The following HBP1 variants were observed in gnomAD, a reference collection of about 807,000 sequenced individuals.
HBP1 encodes HMG-box transcription factor 1.
In HBP1, 20 loss-of-function variants were observed where a neutral mutation model predicts 62.6. The observed-to-expected ratio is 0.32, with a 90% CI of 0.22 to 0.46. The LOEUF (loss-of-function observed/expected upper bound fraction) is 0.46, where lower values mean the gene tolerates loss of function less well. HBP1 is among the 20% of genes least tolerant of loss of function. The pLI is 1.00. For synonymous variants in HBP1, 232 were observed against 206.2 expected (o/e 1.12, Z -1.07); for missense variants, 480 against 611.8 (o/e 0.78, Z 2.27).
intron 10 of HBP1, chr7:107,201,062 A>G: frequency 5.5e-6 from 1 of 182,442 alleles, no homozygotes; most frequent in Non-Finnish European, 1.1e-5. Context: ...AGTAAAATGC[A>G]GGTCATATCT....
intron 1 of HBP1, among the ~76,000 whole-genome samples, chr7:107,171,532 C>T (rs774377713): frequency 3.1e-4 from 47 of 152,018 alleles, no homozygotes; most frequent in Non-Finnish European, 4.9e-4. Flanking sequence ...AATAAAAATA[C>T]TGGTACTCCC....
chr7:107,179,730 C>A, intron 1 of HBP1, 149 bp from the exon 2 acceptor site: 1 of 463,178 alleles, frequency 2.2e-6, no homozygotes, highest in African/African-American at 1.9e-5. Context: ...CGAGATCACG[C>A]CACTGCACTG....
In HBP1 at chr7:107,199,230, C is replaced by T. The variant is rs116284591; in HGVS notation, c.1386-930C>T. Among the ~76,000 whole-genome samples, 670 of 152,208 alleles carry T rather than the reference C, an allele frequency of 4.4e-3. 2 individuals carry two copies. The highest frequency in any genetic ancestry group is 0.015 in the African/African-American group (635 of 41,520). ...CCTCCCCAGTAGCTGTGATTACAGG[C>T]GTGTGCCATCACACCTGGCAAATAG... is the stretch of plus-strand genomic sequence containing the variant. On this transcript the variant is annotated intron_variant, in intron 9 of 10. Transcript: ENST00000222574.
At chr7:107,190,586 G>A (rs1330550450) in intron 8 of HBP1, among the ~76,000 whole-genome samples, 1 of 152,142 alleles carries the variant, frequency 6.6e-6, no homozygotes, top group Non-Finnish European at 1.5e-5. Context: ...CATGTTACAT[G>A]ACCAAGAGTT....
chr7:107,186,157 TTTTTTTTTC>T (rs979058123), intron 4 of HBP1, among the ~76,000 whole-genome samples, 195 bp from the exon 5 acceptor site: 4 of 137,040 alleles, frequency 2.9e-5, no homozygotes, highest in African/African-American at 5.5e-5. Context: ...CTTTTTTTTC[TTTTTTTTTC>T]TTTTTTTTTT....
intron 1 of HBP1, among the ~76,000 whole-genome samples, chr7:107,177,197 A>G (rs2115817773): frequency 6.6e-6 from 1 of 152,348 alleles, no homozygotes; most frequent in Middle Eastern, 3.4e-3. Context: ...AGAGGAGAGT[A>G]GGGCAGGTAT....
chr7:107,189,388 G>C lies in HBP1; in HGVS notation c.862G>C (p.Glu288Gln). ...LKLTFDPGTV[E>Q]DGLLTVECKL... ...GTTGACTTTTGATCCTGGTACAGTAGAAGATGGTTTACTTACCGTAGAGTG... is the reference window on the plus strand; with the variant it reads ...GTTGACTTTTGATCCTGGTACAGTACAAGATGGTTTACTTACCGTAGAGTG... The change falls in exon 7 of 11, where the codon GAA becomes CAA. Residue 288 changes from glutamate (E) to glutamine (Q), a missense_variant. Transcript: ENST00000222574. 6.2e-7 allele frequency: 1 copy of C among 1,612,488 alleles called. No homozygotes were observed. The highest frequency in any genetic ancestry group is 8.5e-7 in the Non-Finnish European group (1 of 1,178,620).
intron 1 of HBP1, among the ~76,000 whole-genome samples, chr7:107,178,530 T>C (rs1225390305): frequency 6.6e-6 from 1 of 152,226 alleles, no homozygotes; most frequent in Non-Finnish European, 1.5e-5. Flanking sequence ...GTGATAATTT[T>C]GTAGGCTTGC....
At chr7:107,174,812 A>T (rs1796755683) in intron 1 of HBP1, 3 of 453,518 alleles carry the variant, frequency 6.6e-6, no homozygotes, top group African/African-American at 2.1e-5. Context: ...TATGTGAAGC[A>T]TAGTACGGAT....
At chr7:107,186,544 T>C (rs777920169) in intron 5 of HBP1, 25 bp from the exon 6 acceptor site, 1 of 1,556,634 alleles carries the variant, frequency 6.4e-7, no homozygotes, top group Non-Finnish European at 8.9e-7. Flanking sequence ...ACGTGTCTAA[T>C]ACGTGTTTTC....
At position 107,170,065 on chromosome 7, in the gene HBP1, A is replaced by G. The variant is rs1012374306; in HGVS notation, c.-16+880A>G. On this transcript the variant is annotated intron_variant, in intron 1 of 10. Transcript: ENST00000222574. ...TGTTTCACTCTCCGCTGTGCACTCT[A>G]CACTCGAGTTCATTCTTAGGGAGTT... 109 of 985,188 alleles carry G rather than the reference A, an allele frequency of 1.1e-4. No individual in the cohort carries two copies. In the African/African-American group the frequency reaches 1.5e-3, roughly 13 times the overall value. The allele number at this position is 985,188 out of a possible 1,614,324, so 61.0% of individuals were successfully genotyped here. A position where few individuals can be genotyped will look rare whatever the true frequency, so the allele number is the denominator to read the frequency against.
chr7:107,182,700 A>C, intron 3 of HBP1, 99 bp downstream of exon 3: 1 of 624,266 alleles, frequency 1.6e-6, no homozygotes, highest in Non-Finnish European at 2.8e-6. Flanking sequence ...ACTTTAAATT[A>C]TTAGAATTTA....
At chr7:107,182,751 TATTTC>T (rs1339873556) in intron 3 of HBP1, 150 bp downstream of exon 3, 8 of 560,786 alleles carry the variant, frequency 1.4e-5, no homozygotes, top group Non-Finnish European at 1.9e-5. Context: ...ATCAAAGACT[TATTTC>T]ACTCACTACC....
intron 2 of HBP1, 125 bp downstream of exon 2, chr7:107,180,187 T>A: frequency 1.9e-6 from 1 of 528,194 alleles, no homozygotes; most frequent in Non-Finnish European, 3.3e-6. Context: ...TATTAGGAAT[T>A]TTCAGCATTC....
rs1185295427 is a variant in HBP1, at chr7:107,201,756, GTTTTA to G, written c.*331_*335del. 60 of 246,784 alleles carry G rather than the reference GTTTTA, an allele frequency of 2.4e-4. 2 individuals are homozygous for G. The East Asian group carries it at 4.5e-3, about 19-fold the overall frequency. The allele number at this position is 246,784 out of a possible 1,614,324, so 15.3% of individuals were successfully genotyped here. ...AGAAAGAGAGGAGAAGTGTATACAT[GTTTTA>G]TTTTAAATTGTACGAAAGGGGAATT... On this transcript the variant is annotated 3_prime_UTR_variant, in exon 11 of 11. Coordinates refer to ENST00000222574, the MANE Select transcript of HBP1 (RefSeq NM_012257.4).
Position 107,181,140 on chromosome 7 carries a change from G to T in HBP1, c.169+1078G>T, listed in dbSNP as rs537174601. ...TTGGCTCCTTCATGACTCCATGAAAGAAGTCAGTTTTTACAAATGGATATC... is the reference window on the plus strand; with the variant it reads ...TTGGCTCCTTCATGACTCCATGAAATAAGTCAGTTTTTACAAATGGATATC... On this transcript the variant is annotated intron_variant, in intron 2 of 10. Coordinates refer to ENST00000222574, the MANE Select transcript of HBP1 (RefSeq NM_012257.4). Among the ~76,000 whole-genome samples, 3 of 152,288 alleles carry T rather than the reference G, an allele frequency of 2.0e-5. No homozygotes were observed. The East Asian group carries it at 5.8e-4, about 29-fold the overall frequency.
chr7:107,190,636 A>T lies in HBP1; in HGVS notation c.1067+319A>T, dbSNP rs1276762556. ...TGATAGTTACATTTAAAAAGTTGTG[A>T]TATCTGGCCAGTTGTTCTTAAACAG... On this transcript the variant is annotated intron_variant, in intron 8 of 10. Transcript: ENST00000222574. Among the ~76,000 whole-genome samples, 3 of 152,180 alleles carry T rather than the reference A, an allele frequency of 2.0e-5. No individual in the cohort carries two copies. In the East Asian group the frequency reaches 5.8e-4, roughly 29 times the overall value.
In HBP1 at chr7:107,202,104, G is replaced by A. The variant is rs530284324; in HGVS notation, c.*673G>A. ...CAATGGAGACCTAGCCCAGGCCAAG[G>A]TAAAGTTAGTTAATAGCATTGGGAT... On this transcript the variant is annotated 3_prime_UTR_variant, in exon 11 of 11. Transcript: ENST00000222574. 6.5e-6 allele frequency: 1 copy of A among 152,782 alleles called. No individual in the cohort carries two copies. The highest frequency in any genetic ancestry group is 2.1e-4 in the South Asian group (1 of 4,826). 9.5% of individuals were successfully genotyped at this position (152,782 alleles called of 1,614,324 possible).
At chr7:107,177,140 A>C (rs1250285306) in intron 1 of HBP1, among the ~76,000 whole-genome samples, 2 of 152,158 alleles carry the variant, frequency 1.3e-5, no homozygotes, top group Non-Finnish European at 2.9e-5. Flanking sequence ...AAAAGACGTC[A>C]TTTTACACTT....
Sources: allele counts gnomAD v4.1 joint callset (sites outside exome capture counted in the v4.1 genomes callset), GRCh38; gene constraint gnomAD v4.1.1; transcripts MANE v1.5; gene names NCBI Gene and HGNC (gene_info 2026-07-23, HGNC 2026-07-21).